NEDD9: variants seen among roughly 807,000 people sequenced by gnomAD.
NEDD9 encodes enhancer of filamentation 1.
Under a neutral mutation model 76.6 loss-of-function variants are expected in NEDD9, and 26 were observed. The observed-to-expected ratio is 0.34, with a 90% confidence interval of 0.25 to 0.47. The LOEUF is 0.47. Among genes scored for constraint, NEDD9 ranks in the 20% least tolerant of loss-of-function variants. The pLI, the probability that NEDD9 is intolerant of heterozygous loss-of-function variation, is 1.00. For synonymous variants in NEDD9, 392 were observed against 414.2 expected, an observed-to-expected ratio of 0.95 and a Z score of 0.65; for missense variants, 937 against 1,058.5, an observed-to-expected ratio of 0.89 and a Z score of 1.59.
intron 3 of NEDD9, among the ~76,000 whole-genome samples, chr6:11,278,097 A>G (rs2113353095): frequency 6.6e-6 from 1 of 152,238 alleles, no homozygotes; most frequent in African/African-American, 2.4e-5. Flanking sequence ...CCACAGCCTC[A>G]GCTTTCCCTG....
chr6:11,308,898 A>G (rs571919925), intron 2 of NEDD9, among the ~76,000 whole-genome samples: 27 of 152,352 alleles, frequency 1.8e-4, no homozygotes, highest in Admixed American at 1.0e-3. Context: ...AAGTGATGTC[A>G]AAGGAAAAGA....
At chr6:11,375,215 T>C (rs1762952774) in intron 1 of NEDD9, among the ~76,000 whole-genome samples, 1 of 152,212 alleles carries the variant, frequency 6.6e-6, no homozygotes, top group Non-Finnish European at 1.5e-5. Flanking sequence ...AAATGAATTA[T>C]CAACATCTCT....
intron 3 of NEDD9, among the ~76,000 whole-genome samples, chr6:11,270,153 C>G (rs1044917785): frequency 9.8e-5 from 15 of 152,318 alleles, no homozygotes; most frequent in African/African-American, 3.6e-4. Context: ...AATCCACTCT[C>G]TTGTTGATAA....
intron 1 of NEDD9, among the ~76,000 whole-genome samples, chr6:11,221,766 G>T (rs1447082894): frequency 6.6e-6 from 1 of 152,208 alleles, no homozygotes; most frequent in Non-Finnish European, 1.5e-5. Flanking sequence ...GGTCAAAAAT[G>T]CGGGGCAGGC....
chr6:11,196,738 C>T (rs1206141793), intron 2 of NEDD9, among the ~76,000 whole-genome samples: 1 of 151,898 alleles, frequency 6.6e-6, no homozygotes. Context: ...ACATTACCAT[C>T]TAATTCACGT....
At chr6:11,216,104 C>G (rs1758945891) in intron 1 of NEDD9, among the ~76,000 whole-genome samples, 1 of 152,208 alleles carries the variant, frequency 6.6e-6, no homozygotes, top group Non-Finnish European at 1.5e-5. Flanking sequence ...CTCAGAGCCC[C>G]ACAGTCTGGG....
chr6:11,271,776 T>A (rs1760313826), intron 3 of NEDD9: 1 of 152,160 alleles, frequency 6.6e-6, no homozygotes, highest in Non-Finnish European at 1.5e-5. Context: ...CATTCCAAGG[T>A]TTTGACTTCC....
At position 11,283,922 on chromosome 6, in the gene NEDD9, A is replaced by C. The variant is rs73721521; in HGVS notation, c.12+22070T>G. ...GAGCCTTCCTGGGTTTGGAAATCATATCACAATATAAAACCAGTCTAGTAT... is the reference window on the plus strand; with the variant it reads ...GAGCCTTCCTGGGTTTGGAAATCATCTCACAATATAAAACCAGTCTAGTAT... On this transcript the variant is annotated intron_variant, in intron 3 of 3. Coordinates refer to the NEDD9 transcript ENST00000397378. 2.3e-3 allele frequency among the ~76,000 whole-genome samples: 346 copies of C among 152,318 alleles called. 4 individuals are homozygous for C. Among genetic ancestry groups the C allele is most frequent in the African/African-American group, 7.9e-3 (328 of 41,572 alleles).
chr6:11,194,307 C>T (rs1336554258), intron 2 of NEDD9, among the ~76,000 whole-genome samples: 1 of 152,180 alleles, frequency 6.6e-6, no homozygotes, highest in Admixed American at 6.5e-5. Flanking sequence ...TTAAGGGATA[C>T]TTGTGTGTAA....
At chr6:11,290,532 C>T (rs893454809) in intron 3 of NEDD9, among the ~76,000 whole-genome samples, 3 of 152,188 alleles carry the variant, frequency 2.0e-5, no homozygotes, top group African/African-American at 7.2e-5. Flanking sequence ...TTCATCTGTG[C>T]AGCTCCCAGA....
At chr6:11,373,323 A>C (rs1762913466) in intron 1 of NEDD9, among the ~76,000 whole-genome samples, 2 of 152,352 alleles carry the variant, frequency 1.3e-5, no homozygotes, top group South Asian at 2.1e-4. Context: ...ATAATTGTTA[A>C]AATGTGTCTA....
intron 2 of NEDD9, among the ~76,000 whole-genome samples, chr6:11,324,129 G>A (rs1000212106): frequency 2.0e-5 from 3 of 152,186 alleles, no homozygotes; most frequent in Non-Finnish European, 2.9e-5. Context: ...ACTGGTTTCC[G>A]ATGCCCCTTT....
At chr6:11,377,032 C>G (rs1762978889) in intron 1 of NEDD9, among the ~76,000 whole-genome samples, 1 of 152,236 alleles carries the variant, frequency 6.6e-6, no homozygotes, top group Admixed American at 6.5e-5. Context: ...GGGGTTAAGT[C>G]TGCAGATGCT....
intron 3 of NEDD9, among the ~76,000 whole-genome samples, chr6:11,269,208 G>A (rs755490849): frequency 7.9e-5 from 12 of 152,218 alleles, no homozygotes; most frequent in Non-Finnish European, 1.8e-4. Context: ...TTAGGTGACA[G>A]GTCATTCTAG....
At chr6:11,375,691 T>C (rs1762958611) in intron 1 of NEDD9, among the ~76,000 whole-genome samples, 1 of 152,140 alleles carries the variant, frequency 6.6e-6, no homozygotes, top group African/African-American at 2.4e-5. Flanking sequence ...CTTTTCTCTC[T>C]CTCTTGCCAT....
At chr6:11,305,045 A>T (rs759360778) in intron 3 of NEDD9, 2 of 1,251,538 alleles carry the variant, frequency 1.6e-6, no homozygotes, top group Non-Finnish European at 2.1e-6. Context: ...ATTTAAAGAA[A>T]GCATTTCTTA....
At chr6:11,267,632 G>T (rs2113335898) in intron 3 of NEDD9, among the ~76,000 whole-genome samples, 1 of 152,066 alleles carries the variant, frequency 6.6e-6, no homozygotes, top group South Asian at 2.1e-4. Flanking sequence ...AGGGAACAAG[G>T]GTATGGGCAA....
chr6:11,189,954 GCTGTTTTAC>G lies in NEDD9; in HGVS notation c.1905+1_1905+9del, dbSNP rs747264148. 1 of 1,511,780 alleles carries G rather than the reference GCTGTTTTAC, an allele frequency of 6.6e-7. No homozygotes were observed. Among genetic ancestry groups the G allele is most frequent in the Non-Finnish European group, 8.8e-7 (1 of 1,131,594 alleles). 93.6% of individuals were successfully genotyped at this position (1,511,780 alleles called of 1,614,324 possible). A position where few individuals can be genotyped will look rare whatever the true frequency, so the allele number is the denominator to read the frequency against. On this transcript the variant is annotated splice_donor_variant and splice_donor_5th_base_variant and intron_variant, in intron 5 of 6. Transcript: ENST00000379446. LOFTEE classifies it high-confidence loss of function. Reference sequence around the variant, plus strand: ...TGAGTGTAGGTGTTTTATGAGTTCCGCTGTTTTACCTGTAGGTGGACGTAATCGTAGTCA... The same window carrying G: ...TGAGTGTAGGTGTTTTATGAGTTCCGCTGTAGGTGGACGTAATCGTAGTCA...
chr6:11,262,445 C>A (rs1243002021), intron 3 of NEDD9, among the ~76,000 whole-genome samples: 1 of 152,176 alleles, frequency 6.6e-6, no homozygotes, highest in East Asian at 1.9e-4. Flanking sequence ...CCCTTCCTGT[C>A]CTAAGGTGCC....
Sources: allele counts gnomAD v4.1 joint callset (sites outside exome capture counted in the v4.1 genomes callset), GRCh38; gene constraint gnomAD v4.1.1; transcripts MANE v1.5; gene names NCBI Gene and HGNC (gene_info 2026-07-23, HGNC 2026-07-21).